FER1L6: variants seen among roughly 807,000 people sequenced by gnomAD.
FER1L6 encodes fer-1 like family member 6, also known as fer-1-like protein 6.
In FER1L6, 177 loss-of-function variants were observed where a neutral mutation model predicts 219.2. That is an observed-to-expected ratio of 0.81 (90% CI 0.71 to 0.91). The LOEUF (loss-of-function observed/expected upper bound fraction) is 0.91, where lower values mean the gene tolerates loss of function less well. Ranked by LOEUF, FER1L6 falls within the 40% of genes least tolerant of loss-of-function variation. FER1L6 has a pLI of 0.00. For synonymous variants in FER1L6, 768 were observed against 824.3 expected (o/e 0.93, Z 1.17); for missense variants, 2,153 against 2,259.9 (o/e 0.95, Z 0.96).
intron 32 of FER1L6, among the ~76,000 whole-genome samples, chr8:124,081,515 G>A (rs981940087): frequency 6.6e-6 from 1 of 150,628 alleles, no homozygotes; most frequent in African/African-American, 2.5e-5. Flanking sequence ...ATTGGATATG[G>A]TGATTTCTGA....
intron 18 of FER1L6, among the ~76,000 whole-genome samples, chr8:124,027,800 C>T (rs965417221): frequency 6.6e-6 from 1 of 152,136 alleles, no homozygotes; most frequent in African/African-American, 2.4e-5. Context: ...TCAAGTGATT[C>T]CTCTGCCTTC....
intron 39 of FER1L6, among the ~76,000 whole-genome samples, chr8:124,108,703 C>T (rs1822882870): frequency 1.3e-5 from 2 of 151,916 alleles, no homozygotes; most frequent in Admixed American, 6.6e-5. Context: ...ACAATGAGAC[C>T]CCGTCTCTAC....
In FER1L6 at chr8:123,865,935, C is replaced by T. The variant is rs535145858; in HGVS notation, c.-8+13750C>T. ...CTCAGATGGAAATGCAGAAATCACC[C>T]GTCTTCTGCGTCGCTCACGCTGGGA... On this transcript the variant is annotated intron_variant, in intron 1 of 40. Transcript: ENST00000522917. 3.3e-5 allele frequency among the ~76,000 whole-genome samples: 5 copies of T among 150,650 alleles called. No individual in the cohort carries two copies. In the East Asian group the frequency reaches 5.8e-4, roughly 18 times the overall value.
chr8:123,875,447 G>A lies in FER1L6; in HGVS notation c.-8+23262G>A, dbSNP rs75210462. ...ACTTTAAAAAGTTGAGGCATTCAGG[G>A]CTTAAGCCTTGCTCCTCCTCCTGTC... On this transcript the variant is annotated intron_variant, in intron 1 of 40. Transcript: ENST00000522917. Among the ~76,000 whole-genome samples, 1,355 of 152,194 alleles carry A rather than the reference G, an allele frequency of 8.9e-3. 24 individuals carry two copies. Among genetic ancestry groups the A allele is most frequent in the African/African-American group, 0.031 (1,271 of 41,528 alleles).
intron 2 of FER1L6, among the ~76,000 whole-genome samples, chr8:123,961,221 C>T (rs1815261269): frequency 6.6e-6 from 1 of 152,152 alleles, no homozygotes; most frequent in Non-Finnish European, 1.5e-5. Context: ...GATCTTGCCA[C>T]TGCGTCCCAG....
chr8:124,067,440 G>C (rs930563986), intron 27 of FER1L6, among the ~76,000 whole-genome samples: 1 of 152,226 alleles, frequency 6.6e-6, no homozygotes, highest in Non-Finnish European at 1.5e-5. Flanking sequence ...AGATGAGGGA[G>C]ATGCTCCAGG....
Position 123,900,789 on chromosome 8 carries a change from T to C in FER1L6, c.-8+48604T>C, listed in dbSNP as rs190791725. Among the ~76,000 whole-genome samples, 37 of 152,364 alleles carry C rather than the reference T, an allele frequency of 2.4e-4. No individual in the cohort carries two copies. In the East Asian group the frequency reaches 6.9e-3, roughly 29 times the overall value. On this transcript the variant is annotated intron_variant, in intron 1 of 40. Transcript: ENST00000522917. The stretch of plus-strand genomic sequence containing the variant: ...TGATTCTTGTTTTTAATTCTGTTTA[T>C]GTGGAGTATCACATTTATTGACTTG...
chr8:123,951,377 A>T (rs931441202), intron 1 of FER1L6, among the ~76,000 whole-genome samples: 5 of 152,232 alleles, frequency 3.3e-5, no homozygotes, highest in African/African-American at 1.2e-4. Context: ...AGTTTTGATA[A>T]GAAAATCATG....
intron 7 of FER1L6, among the ~76,000 whole-genome samples, chr8:123,974,659 C>CAAAAAAAAAAAAAAAAAAAAAAAA (rs994690186): frequency 2.3e-3 from 110 of 47,760 alleles, no homozygotes; most frequent in Non-Finnish European, 3.4e-3. Context: ...GACTCTGTCT[C>CAAAAAAAAAAAAAAAAAAAAAAAA]AAAAAAAAAA....
At chr8:123,919,774 G>A (rs1813304115) in intron 1 of FER1L6, among the ~76,000 whole-genome samples, 1 of 152,154 alleles carries the variant, frequency 6.6e-6, no homozygotes, top group African/African-American at 2.4e-5. Context: ...ATGCTCATGG[G>A]GCAAGCGCAG....
chr8:124,039,725 A>G (rs4269524), intron 19 of FER1L6, among the ~76,000 whole-genome samples, 157 bp from the exon 20 acceptor site: 152,194 of 152,298 alleles, frequency 1, 76,045 homozygotes, highest in Non-Finnish European at 1. Context: ...TTTCTTCAGG[A>G]CTTCCATTCC....
rs534148459 is a variant in FER1L6, at chr8:124,110,260, A to C, written c.5289+6951A>C. 2.6e-5 allele frequency among the ~76,000 whole-genome samples: 4 copies of C among 152,316 alleles called. No homozygotes were observed. In the East Asian group the frequency reaches 7.7e-4, roughly 29 times the overall value. ...GTATACTAATTCATTTATCTGCTAA[A>C]ACCCCCTGAAAAAATATATAATCAA... On this transcript the variant is annotated intron_variant, in intron 39 of 40. Coordinates refer to ENST00000522917, the MANE Select transcript of FER1L6 (RefSeq NM_001039112.2).
At chr8:123,858,649 G>A (rs548441019) in intron 1 of FER1L6, among the ~76,000 whole-genome samples, 2 of 152,254 alleles carry the variant, frequency 1.3e-5, no homozygotes, top group African/African-American at 4.8e-5. Flanking sequence ...CATATACTTT[G>A]GCCACAACTC....
rs565505414 is a variant in FER1L6 at position 123,924,457 on chromosome 8, G to A, written c.-7-31535G>A. On this transcript the variant is annotated intron_variant, in intron 1 of 40. Transcript: ENST00000522917. The stretch of plus-strand genomic sequence containing the variant: ...CTTGGGAGGCTGAGGCAGGAGAATC[G>A]CTTGAACCCGGGAGGCAGAGGCTGC... Among the ~76,000 whole-genome samples the A allele has an allele frequency of 4.0e-5, 6 of 151,874 alleles. No homozygotes were observed. In the South Asian group the frequency reaches 1.0e-3, roughly 26 times the overall value.
chr8:123,994,611 A>G (rs968591924), intron 12 of FER1L6, among the ~76,000 whole-genome samples: 4 of 152,142 alleles, frequency 2.6e-5, no homozygotes, highest in African/African-American at 9.7e-5. Flanking sequence ...GGAGACAGCA[A>G]CTGCAGCTTG....
At chr8:124,072,277 G>T (rs1170686262) in intron 31 of FER1L6, among the ~76,000 whole-genome samples, 2 of 152,166 alleles carry the variant, frequency 1.3e-5, no homozygotes, top group African/African-American at 2.4e-5. Context: ...ATTTCACTTT[G>T]AGTGTATTTC....
intron 9 of FER1L6, among the ~76,000 whole-genome samples, chr8:123,976,413 G>A (rs1816075751): frequency 6.6e-6 from 1 of 152,042 alleles, no homozygotes; most frequent in South Asian, 2.1e-4. Context: ...GGTGGCTAAG[G>A]CATAAGAATT....
chr8:124,113,865 T>G (rs1271339698), intron 39 of FER1L6, among the ~76,000 whole-genome samples: 3 of 152,220 alleles, frequency 2.0e-5, no homozygotes, highest in African/African-American at 7.2e-5. Context: ...AGGAGGCACA[T>G]GCTATCAGAT....
chr8:123,883,257 A>G (rs1817143098), intron 1 of FER1L6, among the ~76,000 whole-genome samples: 2 of 152,162 alleles, frequency 1.3e-5, no homozygotes, highest in South Asian at 4.1e-4. Context: ...TGTCTTGCCC[A>G]GGGCTGACTC....
Sources: allele counts gnomAD v4.1 joint callset (sites outside exome capture counted in the v4.1 genomes callset), GRCh38; gene constraint gnomAD v4.1.1; transcripts MANE v1.5; gene names NCBI Gene and HGNC (gene_info 2026-07-23, HGNC 2026-07-21).